EFCAB8: variants seen among roughly 807,000 people sequenced by gnomAD.
The protein encoded by EFCAB8 is EF-hand calcium-binding domain-containing protein 8.
EFCAB8 carries 100 observed loss-of-function variants against 116.3 expected under a neutral mutation model. The observed-to-expected ratio is 0.86, with a 90% CI of 0.73 to 1.02. The LOEUF is 1.02. Among genes scored for constraint, EFCAB8 ranks in the 50% least tolerant of loss-of-function variants. The pLI is 0.00. For synonymous variants in EFCAB8, 558 were observed against 567.9 expected (o/e 0.98, Z 0.25); for missense variants, 1,320 against 1,416.9 (o/e 0.93, Z 1.10).
Position 32,865,761 on chromosome 20 carries a change from G to A in EFCAB8, c.43-1821G>A, listed in dbSNP as rs571307534. Among the ~76,000 whole-genome samples, 118 of 150,002 alleles carry A rather than the reference G, an allele frequency of 7.9e-4. 2 individuals carry two copies. The South Asian group carries it at 0.02, about 26-fold the overall frequency. On this transcript the variant is annotated intron_variant, in intron 2 of 26. Coordinates refer to ENST00000400522, the MANE Select transcript of EFCAB8 (RefSeq NM_001143967.2). ...TTGCAGTGAGCTGAGATCGCACCACGCTCCAGCTGGGTGACAGAGTGAGAC... is the reference window on the plus strand; with the variant it reads ...TTGCAGTGAGCTGAGATCGCACCACACTCCAGCTGGGTGACAGAGTGAGAC...
Position 32,869,814 on chromosome 20 carries a change from A to G in EFCAB8, c.208+2067A>G, listed in dbSNP as rs1232099923. On this transcript the variant is annotated intron_variant, in intron 3 of 26. Coordinates refer to ENST00000400522, the MANE Select transcript of EFCAB8 (RefSeq NM_001143967.2). ...TCACTTAATGCTAATATCCTAAGGA[A>G]TTTTCCATATTGCTACATAATCTTC... 2.0e-5 allele frequency among the ~76,000 whole-genome samples: 3 copies of G among 152,266 alleles called. 1 individual carries two copies. The highest frequency in any genetic ancestry group is 4.1e-4 in the South Asian group (2 of 4,824).
intron 22 of EFCAB8, among the ~76,000 whole-genome samples, chr20:32,933,832 G>A (rs1271780300): frequency 6.6e-6 from 1 of 152,092 alleles, no homozygotes; most frequent in Non-Finnish European, 1.5e-5. Flanking sequence ...TACAAAATTA[G>A]CCAGGCATGG....
At chr20:32,876,198 A>T (rs1984961987) in intron 4 of EFCAB8, among the ~76,000 whole-genome samples, 154 bp downstream of exon 4, 1 of 152,132 alleles carries the variant, frequency 6.6e-6, no homozygotes, top group African/African-American at 2.4e-5. Flanking sequence ...CCTGGTGGAG[A>T]CGTCCCTCCT....
intron 20 of EFCAB8, among the ~76,000 whole-genome samples, chr20:32,924,273 A>T (rs1056729032): frequency 6.6e-6 from 1 of 152,188 alleles, no homozygotes; most frequent in Non-Finnish European, 1.5e-5. Context: ...TATGTTGCCC[A>T]GGCTAGTCTT....
intron 20 of EFCAB8, among the ~76,000 whole-genome samples, chr20:32,929,584 C>G (rs1050006873): frequency 1.7e-4 from 24 of 143,906 alleles, no homozygotes; most frequent in African/African-American, 6.1e-4. Flanking sequence ...TCAAGTGATT[C>G]ACCCGCCTCG....
At chr20:32,866,053 A>G (rs1366276128) in intron 2 of EFCAB8, among the ~76,000 whole-genome samples, 1 of 152,052 alleles carries the variant, frequency 6.6e-6, no homozygotes, top group African/African-American at 2.4e-5. Flanking sequence ...GAGATTTCTA[A>G]TTTGGAGTCT....
rs912754621 is a variant in EFCAB8 at position 32,920,492 on chromosome 20, A to G, written c.2412+277A>G. On this transcript the variant is annotated intron_variant, in intron 20 of 26. Transcript: ENST00000400522. ...GGTTTAACTGGACTTATAGTTCCATATGGCTGGGGAAGACCTCACAATCAT... is the reference window on the plus strand; with the variant it reads ...GGTTTAACTGGACTTATAGTTCCATGTGGCTGGGGAAGACCTCACAATCAT... 5.3e-5 allele frequency among the ~76,000 whole-genome samples: 8 copies of G among 152,304 alleles called. No individual in the cohort carries two copies. In the East Asian group the frequency reaches 5.8e-4, roughly 11 times the overall value.
chr20:32,924,692 C>G (rs959481532), intron 20 of EFCAB8, among the ~76,000 whole-genome samples: 1 of 152,116 alleles, frequency 6.6e-6, no homozygotes, highest in South Asian at 2.1e-4. Flanking sequence ...GGGCTTTTTA[C>G]GTGGCCTGGT....
At chr20:32,865,958 T>C (rs993333462) in intron 2 of EFCAB8, among the ~76,000 whole-genome samples, 8 of 151,902 alleles carry the variant, frequency 5.3e-5, no homozygotes, top group African/African-American at 1.9e-4. Context: ...AGGAGGCTTA[T>C]ATGTAGGAGA....
intron 19 of EFCAB8, among the ~76,000 whole-genome samples, chr20:32,918,844 A>G (rs1682136075): frequency 6.6e-6 from 1 of 152,196 alleles, no homozygotes; most frequent in South Asian, 2.1e-4. Flanking sequence ...GCAGGACCCA[A>G]AGAGAACACA....
At chr20:32,921,881 C>T (rs1041470154) in intron 20 of EFCAB8, among the ~76,000 whole-genome samples, 2 of 143,682 alleles carry the variant, frequency 1.4e-5, no homozygotes, top group South Asian at 2.2e-4. Context: ...CCCAGGCTGG[C>T]GTGCAGTGTT....
At chr20:32,944,294 G>C (rs1568944858) in intron 23 of EFCAB8, among the ~76,000 whole-genome samples, 1 of 151,828 alleles carries the variant, frequency 6.6e-6, no homozygotes, top group East Asian at 1.9e-4. Context: ...TTAGTGACCT[G>C]TCTCTACTAA....
At chr20:32,873,820 A>T (rs547651670) in intron 3 of EFCAB8, among the ~76,000 whole-genome samples, 76 of 151,872 alleles carry the variant, frequency 5.0e-4, no homozygotes, top group Non-Finnish European at 1.0e-3. Context: ...CAAAAAAAAA[A>T]AAAATGCAGT....
chr20:32,909,842 T>C lies in EFCAB8; in HGVS notation c.1468T>C (p.Leu490=). 2 of 1,249,862 alleles carry C rather than the reference T, an allele frequency of 1.6e-6. No individual in the cohort carries two copies. Among genetic ancestry groups the C allele is most frequent in the Non-Finnish European group, 2.0e-6 (2 of 988,216 alleles). 77.4% of individuals were successfully genotyped at this position (1,249,862 alleles called of 1,614,324 possible). Residue 490 remains leucine, a synonymous_variant, in exon 15 of 27, where the codon TTA becomes CTA. Transcript: ENST00000400522. ...TYSIGILKGY[L]EAQGLIKARK... is the part of the protein sequence containing the mutation. ...ACAGATCGGGATCCTAAAAGGGTAC[T>C]TAGAGGCCCAGGGGCTTATCAAAGC...
chr20:32,939,165 TTC>T (rs1491325277), intron 22 of EFCAB8, among the ~76,000 whole-genome samples: 4 of 99,500 alleles, frequency 4.0e-5, no homozygotes, highest in African/African-American at 1.6e-4. Context: ...CTTTCTTTCT[TTC>T]TTTCTTTCTT....
intron 20 of EFCAB8, among the ~76,000 whole-genome samples, chr20:32,923,889 C>A (rs184752737): frequency 2.0e-5 from 3 of 152,214 alleles, no homozygotes. Flanking sequence ...AATGAATACC[C>A]TTGTACATAA....
chr20:32,910,812 A>G (rs901886706), intron 15 of EFCAB8, among the ~76,000 whole-genome samples: 2 of 130,030 alleles, frequency 1.5e-5, no homozygotes, highest in African/African-American at 6.1e-5. Context: ...ACCTTGGCTC[A>G]CTGCAGTCTC....
chr20:32,892,050 G>A (rs1160771829), intron 7 of EFCAB8, among the ~76,000 whole-genome samples, 163 bp from the exon 8 acceptor site: 2 of 152,114 alleles, frequency 1.3e-5, no homozygotes, highest in Non-Finnish European at 2.9e-5. Flanking sequence ...TGGGGTTCCC[G>A]GTGGGTGGGT....
chr20:32,939,195 CTTTCTTTCCTCTCTCTCTCT>C (rs1568941820), intron 22 of EFCAB8, among the ~76,000 whole-genome samples: 5 of 58,886 alleles, frequency 8.5e-5, no homozygotes, highest in Non-Finnish European at 1.6e-4. Flanking sequence ...TTCTTTCTTT[CTTTCTTTCCTCTCTCTCTCT>C]CTCTCTCTCT....
Sources: gnomAD v4.1 joint callset for allele counts (sites outside exome capture counted in the v4.1 genomes callset) on GRCh38, gnomAD v4.1.1 for gene constraint, MANE v1.5 for transcripts, NCBI Gene and HGNC (gene_info 2026-07-23, HGNC 2026-07-21) for gene names.